MIGA1: variants seen among roughly 807,000 people sequenced by gnomAD.
The protein encoded by MIGA1 is family with sequence similarity 73, member A.
In MIGA1, 58 loss-of-function variants were observed where a neutral mutation model predicts 82.0. That is an observed-to-expected ratio of 0.71 (90% CI 0.57 to 0.88). The LOEUF (loss-of-function observed/expected upper bound fraction) is 0.88, where lower values mean the gene tolerates loss of function less well. MIGA1 is among the 40% of genes least tolerant of loss of function. MIGA1 has a pLI of 0.00. For missense variants in MIGA1, 751 were observed against 749.1 expected (o/e 1.00, Z -0.03); for synonymous variants, 249 against 253.6 (o/e 0.98, Z 0.17).
At chr1:77,824,864 T>A (rs564407295) in intron 7 of MIGA1, among the ~76,000 whole-genome samples, 1 of 152,304 alleles carries the variant, frequency 6.6e-6, no homozygotes, top group South Asian at 2.1e-4. Flanking sequence ...GTTTGCCATG[T>A]TCCATGCTGC....
intron 5 of MIGA1, among the ~76,000 whole-genome samples, chr1:77,812,548 G>A (rs1168185298): frequency 3.3e-5 from 5 of 152,080 alleles, no homozygotes; most frequent in African/African-American, 1.2e-4. Flanking sequence ...GAGAGGAGAG[G>A]TATTTTTTAG....
intron 8 of MIGA1, among the ~76,000 whole-genome samples, chr1:77,851,816 A>C (rs1398296280): frequency 1.3e-5 from 2 of 151,042 alleles, no homozygotes; most frequent in Non-Finnish European, 2.9e-5. Flanking sequence ...TTGTCTTCTT[A>C]TTATTGTTAG....
chr1:77,814,500 A>G (rs1193291088), intron 6 of MIGA1, among the ~76,000 whole-genome samples: 1 of 152,138 alleles, frequency 6.6e-6, no homozygotes, highest in Non-Finnish European at 1.5e-5. Flanking sequence ...GGGCTCAATC[A>G]ATTCTTCTGC....
chr1:77,812,712 G>A (rs2101796023), intron 5 of MIGA1, among the ~76,000 whole-genome samples: 1 of 151,980 alleles, frequency 6.6e-6, no homozygotes, highest in South Asian at 2.1e-4. Flanking sequence ...AGTTATTTTT[G>A]TAAGCCTTGT....
At chr1:77,807,754 A>G (rs1683158576) in intron 5 of MIGA1, among the ~76,000 whole-genome samples, 1 of 152,032 alleles carries the variant, frequency 6.6e-6, no homozygotes, top group Admixed American at 6.6e-5. Flanking sequence ...TGACCACATC[A>G]TTCCAGTCTC....
chr1:77,869,548 T>G (rs560009158), intron 14 of MIGA1, among the ~76,000 whole-genome samples: 1 of 126,032 alleles, frequency 7.9e-6, no homozygotes, highest in Non-Finnish European at 1.7e-5. Flanking sequence ...ACCTCCCGGA[T>G]GGGGCGGCTG....
intron 1 of MIGA1, among the ~76,000 whole-genome samples, chr1:77,780,666 AT>A (rs1681866470): frequency 6.6e-6 from 1 of 152,152 alleles, no homozygotes; most frequent in Non-Finnish European, 1.5e-5. Flanking sequence ...ACAGGACAAT[AT>A]TTTTGGTTAT....
intron 10 of MIGA1, 85 bp from the exon 11 acceptor site, chr1:77,859,955 T>C (rs1685402712): frequency 1.2e-6 from 1 of 835,384 alleles, no homozygotes; most frequent in South Asian, 1.6e-5. Context: ...ATTAACTGTT[T>C]TAGGATTATT....
chr1:77,844,619 A>G (rs951778763), intron 8 of MIGA1, among the ~76,000 whole-genome samples: 2 of 152,128 alleles, frequency 1.3e-5, no homozygotes, highest in African/African-American at 2.4e-5. Context: ...ATCTCAGAAT[A>G]TTTGCATTTT....
At chr1:77,837,384 C>T (rs546744122) in intron 7 of MIGA1, among the ~76,000 whole-genome samples, 61 of 152,160 alleles carry the variant, frequency 4.0e-4, no homozygotes, top group Middle Eastern at 3.4e-3. Flanking sequence ...ACCAGGGCTC[C>T]GTAGTTTATA....
chr1:77,827,007 A>T (rs1261359795), intron 7 of MIGA1, among the ~76,000 whole-genome samples: 1 of 145,594 alleles, frequency 6.9e-6, no homozygotes, highest in East Asian at 2.1e-4. Flanking sequence ...GGATTTCACC[A>T]TGTTGGCCAG....
chr1:77,840,889 G>A (rs1684604609), intron 7 of MIGA1, among the ~76,000 whole-genome samples: 1 of 152,124 alleles, frequency 6.6e-6, no homozygotes, highest in Admixed American at 6.6e-5. Flanking sequence ...TTGTAAAACT[G>A]TGATTTCTTT....
At chr1:77,874,816 A>G (rs768791916) in intron 15 of MIGA1, 30 bp from the exon 16 acceptor site, 2 of 1,549,288 alleles carry the variant, frequency 1.3e-6, no homozygotes, top group Non-Finnish European at 1.8e-6. Flanking sequence ...ATTTTGGTCT[A>G]ATAAATGCCA....
intron 8 of MIGA1, chr1:77,848,442 G>A (rs1341153091): frequency 2.0e-5 from 19 of 937,806 alleles, no homozygotes; most frequent in Non-Finnish European, 2.8e-5. Context: ...CAGAGATAGA[G>A]AAAAACAAGA....
rs1646885808 is a variant in MIGA1 at position 77,875,286 on chromosome 1, ATAAT to A, written c.*224_*227del. 3 of 455,360 alleles carry A rather than the reference ATAAT, an allele frequency of 6.6e-6. No homozygotes were observed. The highest frequency in any genetic ancestry group is 1.2e-5 in the Non-Finnish European group (3 of 257,100). 28.2% of individuals were successfully genotyped at this position (455,360 alleles called of 1,614,324 possible). A position where few individuals can be genotyped will look rare whatever the true frequency, so the allele number is the denominator to read the frequency against. On this transcript the variant is annotated 3_prime_UTR_variant, in exon 16 of 16. Coordinates refer to ENST00000370791, the MANE Select transcript of MIGA1 (RefSeq NM_198549.4). Reference sequence around the variant, plus strand: ...AGTGGCTTTTTGCATTCATTAGGTAATAATTGAAGTCATGAAATGTATATTTTAC... The same window carrying A: ...AGTGGCTTTTTGCATTCATTAGGTAATGAAGTCATGAAATGTATATTTTAC...
chr1:77,813,907 A>G, intron 6 of MIGA1, 40 bp downstream of exon 6: 1 of 1,602,290 alleles, frequency 6.2e-7, no homozygotes, highest in Non-Finnish European at 8.5e-7. Context: ...TAATATTAGA[A>G]GAATCAAACT....
intron 7 of MIGA1, among the ~76,000 whole-genome samples, chr1:77,838,325 C>CTTATTTAT (rs376304871): frequency 8.6e-5 from 13 of 151,496 alleles, no homozygotes; most frequent in East Asian, 3.9e-4. Context: ...TACCTTTTAG[C>CTTATTTAT]TTATTTATTT....
chr1:77,848,125 A>G (rs1321948329), intron 8 of MIGA1: 1 of 1,339,466 alleles, frequency 7.5e-7, no homozygotes, highest in Non-Finnish European at 1.1e-6. Context: ...GAGGAGAACC[A>G]TTACACTGAC....
chr1:77,796,973 A>G (rs1682683163), intron 2 of MIGA1, among the ~76,000 whole-genome samples: 1 of 152,210 alleles, frequency 6.6e-6, no homozygotes, highest in Non-Finnish European at 1.5e-5. Context: ...TCTGACCGCT[A>G]GCTGCCATTG....
Sources: allele counts gnomAD v4.1 joint callset (sites outside exome capture counted in the v4.1 genomes callset), GRCh38; gene constraint gnomAD v4.1.1; transcripts MANE v1.5; gene names NCBI Gene and HGNC (gene_info 2026-07-23, HGNC 2026-07-21).